The following TAFA2 variants were observed in gnomAD, a reference collection of about 807,000 sequenced individuals.
TAFA2 encodes TAFA chemokine like family member 2.
A neutral mutation model predicts 18.8 loss-of-function variants in TAFA2; 7 were observed. The observed-to-expected ratio is 0.37, with a 90% confidence interval of 0.21 to 0.70. TAFA2 has a LOEUF of 0.70. Among genes scored for constraint, TAFA2 ranks in the 30% least tolerant of loss-of-function variants. The pLI is 0.53. For missense variants in TAFA2, 122 were observed against 158.1 expected (o/e 0.77, Z 1.23); for synonymous variants, 60 against 54.2 (o/e 1.11, Z -0.47).
intron 1 of TAFA2, among the ~76,000 whole-genome samples, chr12:61,969,737 T>A (rs920665227): frequency 6.6e-6 from 1 of 151,684 alleles, no homozygotes; most frequent in Non-Finnish European, 1.5e-5. Flanking sequence ...AAGGAGATAT[T>A]CACTAAGATT....
intron 2 of TAFA2, among the ~76,000 whole-genome samples, chr12:61,865,293 A>C (rs2121213500): frequency 6.6e-6 from 1 of 152,322 alleles, no homozygotes; most frequent in Admixed American, 6.5e-5. Flanking sequence ...GATGGTGAGC[A>C]CACTAGTAAT....
Position 62,081,469 on chromosome 12 carries a change from TG to T in TAFA2, c.-2+109789del, listed in dbSNP as rs1396887825. On this transcript the variant is annotated intron_variant, in intron 1 of 4. Coordinates refer to ENST00000416284, the MANE Select transcript of TAFA2 (RefSeq NM_178539.5). ...ATTTTTTTCTTCAACTTGTTTTTTTTGTTTTTTATTTTGTTTGTTTGTTTGT... is the reference window on the plus strand; with the variant it reads ...ATTTTTTTCTTCAACTTGTTTTTTTTTTTTTTATTTTGTTTGTTTGTTTGT... Among the ~76,000 whole-genome samples, 3 of 149,038 alleles carry T rather than the reference TG, an allele frequency of 2.0e-5. No individual in the cohort carries two copies. In the Admixed American group the frequency reaches 2.1e-4, roughly 10 times the overall value.
At chr12:62,222,954 A>G (rs1260019853) in intron 1 of TAFA2, among the ~76,000 whole-genome samples, 1 of 152,202 alleles carries the variant, frequency 6.6e-6, no homozygotes, top group Non-Finnish European at 1.5e-5. Flanking sequence ...AGAATATACT[A>G]AACAAAATGT....
At chr12:61,732,629 A>G (rs1172057301) in intron 4 of TAFA2, among the ~76,000 whole-genome samples, 3 of 152,008 alleles carry the variant, frequency 2.0e-5, no homozygotes, top group Non-Finnish European at 2.9e-5. Context: ...CCTTCTGTTC[A>G]GATGGTGATA....
chr12:62,033,595 T>C (rs1273355926), intron 1 of TAFA2, among the ~76,000 whole-genome samples: 1 of 152,196 alleles, frequency 6.6e-6, no homozygotes. Context: ...ATCAAATGAC[T>C]AGAAAATCAA....
intron 1 of TAFA2, among the ~76,000 whole-genome samples, chr12:62,250,449 T>C (rs2136994414): frequency 1.3e-5 from 2 of 152,334 alleles, no homozygotes; most frequent in South Asian, 4.1e-4. Flanking sequence ...TGACTTGTTT[T>C]ATTTTTATTG....
chr12:62,226,787 T>C (rs1234206801), intron 1 of TAFA2, among the ~76,000 whole-genome samples: 1 of 152,236 alleles, frequency 6.6e-6, no homozygotes, highest in African/African-American at 2.4e-5. Context: ...TTCTTTACTT[T>C]TCACTCACAA....
intron 1 of TAFA2, among the ~76,000 whole-genome samples, chr12:61,918,276 T>C (rs1876911551): frequency 6.6e-6 from 1 of 152,142 alleles, no homozygotes; most frequent in Non-Finnish European, 1.5e-5. Flanking sequence ...CTTTTTGTTC[T>C]CATTAACCAT....
chr12:62,223,227 G>A (rs2062771410), intron 1 of TAFA2, among the ~76,000 whole-genome samples: 1 of 152,132 alleles, frequency 6.6e-6, no homozygotes, highest in South Asian at 2.1e-4. Context: ...CTGGAATGGT[G>A]CAGGGGCATG....
intron 1 of TAFA2, among the ~76,000 whole-genome samples, chr12:61,979,848 C>T (rs1364369726): frequency 6.6e-6 from 1 of 151,832 alleles, no homozygotes; most frequent in African/African-American, 2.4e-5. Context: ...ATATGGCAAA[C>T]GAGACTGGAA....
intron 1 of TAFA2, among the ~76,000 whole-genome samples, chr12:61,999,889 T>A (rs959289197): frequency 1.3e-5 from 2 of 152,204 alleles, no homozygotes; most frequent in Non-Finnish European, 2.9e-5. Flanking sequence ...CCTATGAGAC[T>A]GTGGGAAAGA....
chr12:61,981,002 C>A (rs1010115995), intron 1 of TAFA2, among the ~76,000 whole-genome samples: 1 of 152,128 alleles, frequency 6.6e-6, no homozygotes, highest in Non-Finnish European at 1.5e-5. Context: ...ATTGCCAAGA[C>A]AAACCTAAGC....
chr12:61,938,215 C>A (rs1412331547), intron 1 of TAFA2, among the ~76,000 whole-genome samples: 1 of 121,458 alleles, frequency 8.2e-6, no homozygotes, highest in Admixed American at 9.0e-5. Flanking sequence ...ACAACTTGTA[C>A]CACAATAGAT....
intron 4 of TAFA2, among the ~76,000 whole-genome samples, chr12:61,727,567 T>G (rs532103409): frequency 6.6e-6 from 1 of 152,142 alleles, no homozygotes; most frequent in East Asian, 1.9e-4. Context: ...TTATAATATC[T>G]CCCATTTTGT....
At chr12:61,832,018 G>A (rs1234965855) in intron 2 of TAFA2, among the ~76,000 whole-genome samples, 2 of 151,812 alleles carry the variant, frequency 1.3e-5, no homozygotes, top group Non-Finnish European at 2.9e-5. Flanking sequence ...ACCAATTATG[G>A]CAACTTGTAA....
intron 1 of TAFA2, among the ~76,000 whole-genome samples, chr12:62,105,743 C>T (rs1565746124): frequency 6.6e-6 from 1 of 152,124 alleles, no homozygotes; most frequent in Non-Finnish European, 1.5e-5. Context: ...TGATAAAGCA[C>T]CATCTAATGT....
chr12:61,916,436 G>A lies in TAFA2; in HGVS notation c.-1-49010C>T, dbSNP rs146116652. On this transcript the variant is annotated intron_variant, in intron 1 of 4. Transcript: ENST00000416284. ...ATGTATAGTACTTGGTACAGTAACC[G>A]ACATACAGAAAAGGGTTGATAAATG... 5.6e-4 allele frequency among the ~76,000 whole-genome samples: 86 copies of A among 152,250 alleles called. 1 individual carries two copies. The East Asian group carries it at 0.015, about 26-fold the overall frequency.
intron 1 of TAFA2, among the ~76,000 whole-genome samples, chr12:62,100,371 A>G (rs1210386535): frequency 6.6e-6 from 1 of 152,114 alleles, no homozygotes; most frequent in Non-Finnish European, 1.5e-5. Context: ...TTTACATCCC[A>G]AAGGACTGAA....
At chr12:61,762,814 C>T (rs78443462) in intron 2 of TAFA2, among the ~76,000 whole-genome samples, 2,281 of 151,960 alleles carry the variant, frequency 0.015, 46 homozygotes, top group Non-Finnish European at 0.019. Context: ...TGATTTGTCT[C>T]ATTGATTATG....
Sources: gnomAD v4.1 joint callset for allele counts (sites outside exome capture counted in the v4.1 genomes callset) on GRCh38, gnomAD v4.1.1 for gene constraint, MANE v1.5 for transcripts, NCBI Gene and HGNC (gene_info 2026-07-23, HGNC 2026-07-21) for gene names.